Variants in MACROD2 observed in about 807,000 individuals in gnomAD.
The protein encoded by MACROD2 is mono-ADP ribosylhydrolase 2.
MACROD2 carries 36 observed loss-of-function variants against 70.4 expected under a neutral mutation model. The observed-to-expected ratio is 0.51, with a 90% CI of 0.39 to 0.68. MACROD2 has a LOEUF of 0.68. Ranked by LOEUF, MACROD2 falls within the 30% of genes least tolerant of loss-of-function variation. MACROD2 has a pLI of 0.00. For synonymous variants in MACROD2, 172 were observed against 178.8 expected (o/e 0.96, Z 0.30); for missense variants, 496 against 538.4 (o/e 0.92, Z 0.78).
intron 5 of MACROD2, among the ~76,000 whole-genome samples, chr20:14,921,656 G>T (rs1362222682): frequency 1.3e-5 from 2 of 152,154 alleles, no homozygotes; most frequent in Non-Finnish European, 2.9e-5. Context: ...AGCATAAATA[G>T]CATATCCAGA....
chr20:15,671,954 C>A (rs1048155319), intron 8 of MACROD2, among the ~76,000 whole-genome samples: 1 of 152,164 alleles, frequency 6.6e-6, no homozygotes, highest in Admixed American at 6.5e-5. Flanking sequence ...GGGAGCACAA[C>A]AATATTTTGT....
At chr20:14,446,003 C>A in intron 3 of MACROD2, among the ~76,000 whole-genome samples, 1 of 152,162 alleles carries the variant, frequency 6.6e-6, no homozygotes, top group East Asian at 1.9e-4. Flanking sequence ...TGTGACTATA[C>A]ATCCACTACT....
chr20:15,754,917 G>C (rs2051326278), intron 8 of MACROD2, among the ~76,000 whole-genome samples: 1 of 151,450 alleles, frequency 6.6e-6, no homozygotes, highest in Non-Finnish European at 1.5e-5. Flanking sequence ...GGAGTCCAGT[G>C]GTGTAATCTT....
intron 6 of MACROD2, among the ~76,000 whole-genome samples, chr20:15,347,011 G>A (rs926308786): frequency 6.6e-6 from 1 of 152,174 alleles, no homozygotes; most frequent in Admixed American, 6.5e-5. Context: ...GGAGAACCCT[G>A]AGAAGTTCAT....
chr20:15,486,322 G>A (rs1191960939), intron 7 of MACROD2, among the ~76,000 whole-genome samples: 1 of 152,162 alleles, frequency 6.6e-6, no homozygotes, highest in Non-Finnish European at 1.5e-5. Flanking sequence ...CAGGCCTACT[G>A]TGCACAACAG....
intron 3 of MACROD2, among the ~76,000 whole-genome samples, chr20:14,368,609 A>G (rs2083295111): frequency 6.6e-6 from 1 of 152,096 alleles, no homozygotes; most frequent in Admixed American, 6.5e-5. Context: ...TCTAGAAATA[A>G]GATTTTTCCT....
At chr20:14,060,055 C>G (rs907311138) in intron 2 of MACROD2, among the ~76,000 whole-genome samples, 1 of 152,304 alleles carries the variant, frequency 6.6e-6, no homozygotes, top group Middle Eastern at 3.4e-3. Flanking sequence ...TTAGAACTTA[C>G]TCTAAATATG....
chr20:14,916,360 G>C (rs2074091614), intron 5 of MACROD2, among the ~76,000 whole-genome samples: 1 of 152,144 alleles, frequency 6.6e-6, no homozygotes, highest in Admixed American at 6.5e-5. Flanking sequence ...TGAGGGTAGG[G>C]GTGGGGTTGA....
At chr20:14,599,171 AT>A (rs1328930900) in intron 4 of MACROD2, among the ~76,000 whole-genome samples, 2 of 152,160 alleles carry the variant, frequency 1.3e-5, no homozygotes, top group Non-Finnish European at 2.9e-5. Context: ...TAATAAAAAT[AT>A]TTTTAAAAAA....
chr20:15,331,252 G>T (rs546644413), intron 6 of MACROD2, among the ~76,000 whole-genome samples: 5 of 151,524 alleles, frequency 3.3e-5, no homozygotes, highest in Non-Finnish European at 7.4e-5. Context: ...AATTGGATTT[G>T]TAATATAAAG....
chr20:15,736,294 C>T (rs895435800), intron 8 of MACROD2, among the ~76,000 whole-genome samples: 2 of 152,206 alleles, frequency 1.3e-5, no homozygotes, highest in African/African-American at 4.8e-5. Flanking sequence ...ACACATATGG[C>T]ATAATTAACT....
chr20:15,318,358 C>A (rs1295618847), intron 6 of MACROD2, among the ~76,000 whole-genome samples: 1 of 151,970 alleles, frequency 6.6e-6, no homozygotes, highest in Non-Finnish European at 1.5e-5. Context: ...CAAAGAAAAG[C>A]CTAAGACCAG....
At chr20:15,786,989 T>C (rs1250543219) in intron 8 of MACROD2, among the ~76,000 whole-genome samples, 2 of 152,214 alleles carry the variant, frequency 1.3e-5, no homozygotes, top group Non-Finnish European at 2.9e-5. Context: ...GTGTTTGTTT[T>C]TGAGACAGAG....
intron 3 of MACROD2, among the ~76,000 whole-genome samples, chr20:14,426,650 A>C (rs1374310426): frequency 2.0e-5 from 3 of 152,140 alleles, no homozygotes; most frequent in Non-Finnish European, 4.4e-5. Flanking sequence ...TTAGTTAGGT[A>C]AACTTCAGAG....
rs553923091 is a variant in MACROD2 at position 15,513,674 on chromosome 20, C to T, written c.645+13827C>T. On this transcript the variant is annotated intron_variant, in intron 8 of 17. Transcript: ENST00000684519. The stretch of plus-strand genomic sequence containing the variant: ...AATTTCCATATTGAATCCAAGAGAC[C>T]TCATTTTGAGGATTTAAAATAATGT... Among the ~76,000 whole-genome samples the T allele has an allele frequency of 6.6e-5, 10 of 152,270 alleles. No individual in the cohort carries two copies. In the East Asian group the frequency reaches 1.9e-3, roughly 29 times the overall value.
intron 3 of MACROD2, among the ~76,000 whole-genome samples, chr20:14,343,985 T>C (rs2083040323): frequency 6.6e-6 from 1 of 152,224 alleles, no homozygotes; most frequent in Admixed American, 6.5e-5. Context: ...ATAGACTTTC[T>C]GAAAGGAAGA....
chr20:14,861,584 C>T (rs1025484432), intron 5 of MACROD2, among the ~76,000 whole-genome samples: 6 of 151,920 alleles, frequency 3.9e-5, no homozygotes, highest in African/African-American at 1.5e-4. Flanking sequence ...CATGGATCAA[C>T]CTCCTGTAGT....
intron 4 of MACROD2, among the ~76,000 whole-genome samples, chr20:14,662,398 T>C (rs1986269886): frequency 6.6e-6 from 1 of 152,036 alleles, no homozygotes; most frequent in African/African-American, 2.4e-5. Context: ...GAGGAAAACC[T>C]AGGCAATACC....
chr20:15,987,535 C>T (rs2147471345), intron 15 of MACROD2, among the ~76,000 whole-genome samples: 1 of 152,204 alleles, frequency 6.6e-6, no homozygotes, highest in South Asian at 2.1e-4. Context: ...TTGATTTCAT[C>T]TGTCTTCCTT....
Sources: gnomAD v4.1 joint callset for allele counts (sites outside exome capture counted in the v4.1 genomes callset) on GRCh38, gnomAD v4.1.1 for gene constraint, MANE v1.5 for transcripts, NCBI Gene and HGNC (gene_info 2026-07-23, HGNC 2026-07-21) for gene names.